MYH2: variants seen among roughly 807,000 people sequenced by gnomAD.
MYH2 encodes the protein myosin-2.
MYH2 carries 139 observed loss-of-function variants against 228.1 expected under a neutral mutation model. The observed-to-expected ratio is 0.61, with a 90% CI of 0.53 to 0.70. The LOEUF (loss-of-function observed/expected upper bound fraction) is 0.70. Ranked by LOEUF, MYH2 falls within the 30% of genes least tolerant of loss-of-function variation. The pLI is 0.00. For missense variants in MYH2, 1,809 were observed against 2,357.5 expected (o/e 0.77, Z 4.82); for synonymous variants, 796 against 871.1 (o/e 0.91, Z 1.52).
At position 10,525,771 on chromosome 17, in the gene MYH2, G is replaced by A. The variant is rs768773140; in HGVS notation, c.4293C>T (p.Val1431=). 5 of 1,614,062 alleles carry A rather than the reference G, an allele frequency of 3.1e-6. No homozygotes were observed. Among genetic ancestry groups the A allele is most frequent in the South Asian group, 2.2e-5 (2 of 91,090 alleles). The change falls in exon 31 of 40, where the codon GTC becomes GTT. Residue 1431 remains valine, a synonymous_variant. Transcript: ENST00000245503. This position sits in a 1 kb window ranked among gnomAD's most constrained non-coding sequence, Gnocchi z 4.2. ...TCTCCACATCAAGCATGAGGTCCTC[G>A]ACCTCATTCTGCAGCCGCTGCTTCG... ...EKTKQRLQNE[V]EDLMLDVERT...
chr17:10,528,362 TACGATGA>T (rs1273895070), intron 27 of MYH2, among the ~76,000 whole-genome samples: 1 of 152,202 alleles, frequency 6.6e-6, no homozygotes, highest in Non-Finnish European at 1.5e-5. Flanking sequence ...TGCCTTTATG[TACGATGA>T]AACTTTCCTT....
At position 10,526,787 on chromosome 17, in the gene MYH2, G is replaced by A. The variant is rs754876628; in HGVS notation, c.3999C>T (p.Asn1333=). The part of the protein sequence containing the change: ...RQLEEEIKAK[N]ALAHALQSSR... Reference sequence around the variant, plus strand: ...AAGACTGCAGGGCATGCGCCAGGGCGTTCTTGGCCTATGGAGGCAGTTACA... The same window carrying A: ...AAGACTGCAGGGCATGCGCCAGGGCATTCTTGGCCTATGGAGGCAGTTACA... The change falls in exon 30 of 40, where the codon AAC becomes AAT. Residue 1333 remains asparagine (N), a synonymous_variant. Coordinates refer to ENST00000245503, the MANE Select transcript of MYH2 (RefSeq NM_017534.6). 43 of 1,614,096 alleles carry A rather than the reference G, an allele frequency of 2.7e-5. No homozygotes were observed. The highest frequency in any genetic ancestry group is 3.1e-5 in the Non-Finnish European group (37 of 1,180,048).
rs11372676 is a variant in MYH2, at chr17:10,528,560, A to AT, written c.3744+129dup. 0.42 allele frequency: 592,146 copies of AT among 1,396,402 alleles called. 133,846 individuals carry two copies. The highest frequency in any genetic ancestry group is 0.83 in the East Asian group (35,748 of 43,208). The allele number at this position is 1,396,402 out of a possible 1,614,324, so 86.5% of individuals were successfully genotyped here. On this transcript the variant is annotated intron_variant, in intron 27 of 39. Transcript: ENST00000245503. ...TAAGTTGAAATAATAAAAAATGCTG[A>AT]TTTTTTGTGCTTACTTCCCTGAATT...
Position 10,523,339 on chromosome 17 carries a change from T to C in MYH2, c.5546A>G (p.His1849Arg). 1 of 1,614,230 alleles carries C rather than the reference T, an allele frequency of 6.2e-7. No individual in the cohort carries two copies. The highest frequency in any genetic ancestry group is 1.3e-5 in the African/African-American group (1 of 75,072). ...AGTGAGTTCCTTCACTCGCCTCTCA[T>C]GTTTGCGCAGACCTTTGACAGCCTC... ...NAEAVKGLRK[H>R]ERRVKELTYQ... The change falls in exon 38 of 40, where the codon CAT becomes CGT. Residue 1849 changes from histidine to arginine, a missense_variant. Physicochemically the swap from His to Arg is conservative, Grantham distance 29. Around this residue, in one of 9 missense-constraint regions of MYH2, gnomAD observed 278 missense variants for 308.5 expected, o/e 0.90. Coordinates refer to ENST00000245503, the MANE Select transcript of MYH2 (RefSeq NM_017534.6).
At chr17:10,535,632 T>C (rs2073474385) in intron 17 of MYH2, among the ~76,000 whole-genome samples, 1 of 152,220 alleles carries the variant, frequency 6.6e-6, no homozygotes, top group Non-Finnish European at 1.5e-5. Context: ...CCATCCTTTC[T>C]ACCCTGGTCC....
chr17:10,531,984 T>C, intron 21 of MYH2, 96 bp from the exon 22 acceptor site: 2 of 1,478,474 alleles, frequency 1.4e-6, no homozygotes, highest in Non-Finnish European at 1.9e-6. Flanking sequence ...ACCTTGTTCC[T>C]ACTCTGCTTT....
At position 10,537,125 on chromosome 17, in the gene MYH2, C is replaced by A; in HGVS notation, c.1897+108G>T. 6.9e-7 allele frequency: 1 copy of A among 1,445,904 alleles called. No individual in the cohort carries two copies. Among genetic ancestry groups the A allele is most frequent in the Non-Finnish European group, 9.6e-7 (1 of 1,036,610 alleles). 89.6% of individuals were successfully genotyped at this position (1,445,904 alleles called of 1,614,324 possible). ...CCTATCTATTCAATACTTGGAGGAA[C>A]CAGGGGCTTGGTCTGCAACCCTTCT... is the stretch of plus-strand genomic sequence containing the variant. On this transcript the variant is annotated intron_variant, in intron 16 of 39. Transcript: ENST00000245503. The surrounding 1 kb of genome is among the most constrained non-coding windows in gnomAD (Gnocchi z 4.0).
rs748715865 is a variant in MYH2 at position 10,543,928 on chromosome 17, CCTT to C, written c.619_621del (p.Lys207del). 4 of 1,614,176 alleles carry C rather than the reference CCTT, an allele frequency of 2.5e-6. No individual in the cohort carries two copies. Among genetic ancestry groups the C allele is most frequent in the South Asian group, 1.1e-5 (1 of 91,080 alleles). On this transcript the variant is annotated inframe_deletion, in exon 7 of 40. Transcript: ENST00000245503. ...TGTATTTTGCCAGAAGTAATTTCTT[CCTT>C]CTTCTTCTCACCAGTAACTGCAATT...
intron 2 of MYH2, 147 bp from the exon 3 acceptor site, chr17:10,548,087 T>A: frequency 1.4e-6 from 1 of 734,670 alleles, no homozygotes; most frequent in Non-Finnish European, 2.3e-6. Context: ...GAGACAAACA[T>A]AATCACAAGA....
At chr17:10,548,011 T>C in intron 2 of MYH2, 71 bp from the exon 3 acceptor site, 2 of 1,337,098 alleles carry the variant, frequency 1.5e-6, no homozygotes, top group Non-Finnish European at 2.1e-6. Context: ...TAATATTTAT[T>C]GTATTTCATA....
intron 4 of MYH2, 73 bp from the exon 5 acceptor site, chr17:10,545,575 G>A (rs1555572081): frequency 1.3e-6 from 2 of 1,583,116 alleles, no homozygotes; most frequent in Non-Finnish European, 1.7e-6. Context: ...TTAATTGAAT[G>A]TTTTTTTGAG....
At chr17:10,545,284 C>T in intron 5 of MYH2, 62 bp downstream of exon 5, 9 of 1,611,678 alleles carry the variant, frequency 5.6e-6, no homozygotes, top group Non-Finnish European at 6.8e-6. Context: ...TGCCTCGAGT[C>T]TCTTTCTCCT....
At chr17:10,541,912 TA>T (rs1239847230) in intron 10 of MYH2, among the ~76,000 whole-genome samples, 3 of 152,214 alleles carry the variant, frequency 2.0e-5, no homozygotes, top group Non-Finnish European at 2.9e-5. Flanking sequence ...GAGAGGCGTT[TA>T]AAGGATATTA....
intron 24 of MYH2, 31 bp downstream of exon 24, chr17:10,529,532 GA>G: frequency 6.2e-7 from 1 of 1,614,104 alleles, no homozygotes; most frequent in East Asian, 2.2e-5. Context: ...TCCTTTAGAA[GA>G]AAAGAATGTC....
Position 10,523,322 on chromosome 17 carries a change from C to G in MYH2, c.5563G>C (p.Glu1855Gln). The G allele has an allele frequency of 1.2e-6, 2 of 1,614,196 alleles. No homozygotes were observed. Among genetic ancestry groups the G allele is most frequent in the African/African-American group, 1.3e-5 (1 of 75,060 alleles). The change falls in exon 38 of 40, where the codon GAA becomes CAA. Residue 1855 changes from glutamate to glutamine, a missense_variant. Physicochemically the swap from Glu to Gln is conservative, Grantham distance 29. Transcript: ENST00000245503. ...GLRKHERRVK[E>Q]LTYQTEEDRK... ...ACTGGCTGTACCTGGTAAGTGAGTT[C>G]CTTCACTCGCCTCTCATGTTTGCGC...
chr17:10,522,887 A>T (rs1385279688), intron 39 of MYH2, among the ~76,000 whole-genome samples: 1 of 151,942 alleles, frequency 6.6e-6, no homozygotes. Flanking sequence ...TCTGCTTTTA[A>T]TTTTTTTCAG....
chr17:10,543,601 A>G, intron 8 of MYH2, 110 bp downstream of exon 8: 1 of 1,480,950 alleles, frequency 6.8e-7, no homozygotes, highest in Non-Finnish European at 9.4e-7. Flanking sequence ...AAAAGGAAAG[A>G]ACAATGATGT....
rs1358366518 is a variant in MYH2, at chr17:10,540,663, G to A, written c.939C>T (p.Tyr313=). 2 of 1,613,328 alleles carry A rather than the reference G, an allele frequency of 1.2e-6. No homozygotes were observed. The highest frequency in any genetic ancestry group is 2.2e-5 in the East Asian group (1 of 44,872). ...MLLITTNPYD[Y]PFVSQGEISV... is the part of the protein sequence containing the mutation. Reference sequence around the variant, plus strand: ...TGATCTCCCCTTGACTGACAAATGGGTAATCATATGGGTTCGTGGTAATCA... The same window carrying A: ...TGATCTCCCCTTGACTGACAAATGGATAATCATATGGGTTCGTGGTAATCA... The change falls in exon 11 of 40, where the codon TAC becomes TAT. Residue 313 remains tyrosine (Y), a synonymous_variant. Coordinates refer to ENST00000245503, the MANE Select transcript of MYH2 (RefSeq NM_017534.6).
chr17:10,548,748 C>T (rs950963838), intron 2 of MYH2, among the ~76,000 whole-genome samples: 1 of 152,158 alleles, frequency 6.6e-6, no homozygotes, highest in African/African-American at 2.4e-5. Flanking sequence ...CTGTTTGCTC[C>T]GTTCTATGTG....
Sources: allele counts gnomAD v4.1 joint callset (sites outside exome capture counted in the v4.1 genomes callset), GRCh38; gene constraint gnomAD v4.1.1; regional missense constraint gnomAD v4.1.1; non-coding constraint Gnocchi (gnomAD v3.1); transcripts MANE v1.5; gene names NCBI Gene and HGNC (gene_info 2026-07-23, HGNC 2026-07-21).